Variants in JAK1 observed in about 807,000 individuals in gnomAD.
The protein encoded by JAK1 is Janus kinase 1, also known as tyrosine-protein kinase JAK1.
A neutral mutation model predicts 136.6 loss-of-function variants in JAK1; 16 were observed. That is an observed-to-expected ratio of 0.12 (90% confidence interval 0.08 to 0.18). The LOEUF is 0.18. Among genes scored for constraint, JAK1 ranks in the 10% least tolerant of loss-of-function variants. JAK1 has a pLI of 1.00. For synonymous variants in JAK1, 492 were observed against 519.5 expected (o/e 0.95, Z 0.72); for missense variants, 859 against 1,450.1 (o/e 0.59, Z 6.62).
chr1:64,854,988 T>C (rs1655836948), intron 11 of JAK1, among the ~76,000 whole-genome samples: 1 of 152,220 alleles, frequency 6.6e-6, no homozygotes, highest in African/African-American at 2.4e-5. Context: ...GACCATCCCT[T>C]TCTGTTTGAC....
chr1:64,882,402 G>A (rs1373958819), intron 3 of JAK1, among the ~76,000 whole-genome samples: 1 of 152,118 alleles, frequency 6.6e-6, no homozygotes, highest in African/African-American at 2.4e-5. Flanking sequence ...ATCATAAAAC[G>A]AGTTGATAGA....
chr1:64,836,639 T>G (rs181759184), intron 22 of JAK1, among the ~76,000 whole-genome samples: 15 of 152,304 alleles, frequency 9.8e-5, no homozygotes, highest in Admixed American at 9.8e-4. Flanking sequence ...GACACCCACT[T>G]GCCCAAGCCA....
intron 1 of JAK1, among the ~76,000 whole-genome samples, chr1:65,065,490 C>T (rs1647997649): frequency 6.6e-6 from 1 of 151,720 alleles, no homozygotes; most frequent in African/African-American, 2.4e-5. Context: ...ATATCTATCA[C>T]AGAACAAGGG....
intron 2 of JAK1, among the ~76,000 whole-genome samples, chr1:65,002,733 G>A (rs568107): frequency 0.021 from 3,136 of 152,296 alleles, 107 homozygotes; most frequent in African/African-American, 0.072. Context: ...TGGAAGCCCG[G>A]GCGCTCTTAC....
At chr1:64,838,216 AT>A in intron 21 of JAK1, 112 bp from the exon 22 acceptor site, 12 of 1,175,448 alleles carry the variant, frequency 1.0e-5, no homozygotes, top group Non-Finnish European at 1.1e-5. Context: ...ATCACTGACA[AT>A]TTTTTTGGTT....
intron 1 of JAK1, among the ~76,000 whole-genome samples, chr1:64,946,092 T>C (rs748186374): frequency 4.6e-5 from 7 of 152,022 alleles, no homozygotes; most frequent in Non-Finnish European, 1.0e-4. Flanking sequence ...AAAATATCAA[T>C]AACAATAATA....
intron 2 of JAK1, chr1:64,993,231 T>C (rs1646674232): frequency 6.6e-6 from 1 of 152,214 alleles, no homozygotes; most frequent in Non-Finnish European, 1.5e-5. Context: ...TAAAATTTAC[T>C]TTATAAAACC....
At chr1:64,902,830 C>A (rs1645132206) in intron 1 of JAK1, among the ~76,000 whole-genome samples, 1 of 152,070 alleles carries the variant, frequency 6.6e-6, no homozygotes, top group Non-Finnish European at 1.5e-5. Context: ...TAGCTGTGCA[C>A]AAGAATGCTC....
intron 1 of JAK1, among the ~76,000 whole-genome samples, chr1:64,964,955 G>A (rs1314116216): frequency 6.6e-6 from 1 of 152,018 alleles, no homozygotes; most frequent in Non-Finnish European, 1.5e-5. Flanking sequence ...ATAATCCCCT[G>A]GTCTTGGAAA....
upstream of JAK1, among the ~76,000 whole-genome samples, chr1:64,970,696 G>A (rs1376824600): frequency 6.6e-5 from 10 of 150,852 alleles, no homozygotes; most frequent in African/African-American, 9.8e-5. Context: ...CCTGGGAGGC[G>A]GAGGTTGCAG....
chr1:64,881,552 G>GT (rs1205103637), intron 3 of JAK1, among the ~76,000 whole-genome samples: 1 of 152,194 alleles, frequency 6.6e-6, no homozygotes, highest in Non-Finnish European at 1.5e-5. Context: ...TGTAGTAACA[G>GT]TGAGAGCTAC....
intron 1 of JAK1, among the ~76,000 whole-genome samples, chr1:64,939,680 A>C (rs776744784): frequency 6.6e-6 from 1 of 152,242 alleles, no homozygotes; most frequent in Non-Finnish European, 1.5e-5. Flanking sequence ...CTAGTCATGC[A>C]TATAATTCCT....
chr1:65,047,737 T>C (rs1479143962), intron 1 of JAK1, among the ~76,000 whole-genome samples: 1 of 151,326 alleles, frequency 6.6e-6, no homozygotes, highest in Non-Finnish European at 1.5e-5. Context: ...AAAAAAGTCA[T>C]ACAGATCGCA....
intron 1 of JAK1, among the ~76,000 whole-genome samples, chr1:64,899,511 T>A (rs1645073052): frequency 6.6e-6 from 1 of 152,160 alleles, no homozygotes; most frequent in African/African-American, 2.4e-5. Context: ...CTCCCAGAGA[T>A]AGTCACTATT....
chr1:64,959,742 C>T (rs1017812581), intron 1 of JAK1, among the ~76,000 whole-genome samples: 9 of 152,164 alleles, frequency 5.9e-5, no homozygotes, highest in African/African-American at 1.7e-4. Context: ...GCACTGTCTA[C>T]GTAATAAACC....
At chr1:64,919,017 CT>C (rs368616734) in intron 1 of JAK1, among the ~76,000 whole-genome samples, 2,281 of 151,330 alleles carry the variant, frequency 0.015, 26 homozygotes, top group African/African-American at 0.032. Flanking sequence ...CTCCTTTTAC[CT>C]TTTTTTTTAT....
chr1:64,847,239 G>C (rs1227197257), intron 13 of JAK1, among the ~76,000 whole-genome samples: 1 of 152,096 alleles, frequency 6.6e-6, no homozygotes, highest in African/African-American at 2.4e-5. Context: ...TGAACCATTT[G>C]GCCAGAGTCC....
intron 1 of JAK1, among the ~76,000 whole-genome samples, chr1:65,059,144 GAA>G (rs34865486): frequency 4.0e-3 from 556 of 137,666 alleles, no homozygotes; most frequent in East Asian, 8.7e-3. Flanking sequence ...TTTATAGGCA[GAA>G]AAAAAAAAAA....
At chr1:65,017,939 A>G (rs1402377652) in intron 2 of JAK1, among the ~76,000 whole-genome samples, 1 of 151,496 alleles carries the variant, frequency 6.6e-6, no homozygotes, top group East Asian at 1.9e-4. Flanking sequence ...CCTCCCAAGT[A>G]GCTGGGATTA....
Sources: allele counts gnomAD v4.1 joint callset (sites outside exome capture counted in the v4.1 genomes callset), GRCh38; gene constraint gnomAD v4.1.1; transcripts MANE v1.5; gene names NCBI Gene and HGNC (gene_info 2026-07-23, HGNC 2026-07-21).